Variants in P3H2 observed in about 807,000 individuals in gnomAD.
The protein encoded by P3H2 is prolyl 3-hydroxylase 2.
Under a neutral mutation model 87.0 loss-of-function variants are expected in P3H2, and 80 were observed. The ratio of observed to expected loss-of-function variants is 0.92; its 90% CI spans 0.77 to 1.11. P3H2 has a LOEUF of 1.11. P3H2 is among the 50% of genes least tolerant of loss of function. The pLI, the probability that P3H2 is intolerant of heterozygous loss-of-function variation, is 0.00. For synonymous variants in P3H2, 367 were observed against 359.3 expected, an observed-to-expected ratio of 1.02 and a Z score of -0.24; for missense variants, 1,001 against 923.9, an observed-to-expected ratio of 1.08 and a Z score of -1.08.
intron 14 of P3H2, among the ~76,000 whole-genome samples, chr3:189,959,546 G>C (rs993359543): frequency 7.0e-4 from 106 of 151,176 alleles, no homozygotes; most frequent in African/African-American, 2.5e-3. Flanking sequence ...CTCTTCTTTA[G>C]GTTTATTTTG....
chr3:190,112,639 C>T (rs1171042999), intron 1 of P3H2, among the ~76,000 whole-genome samples: 1 of 152,112 alleles, frequency 6.6e-6, no homozygotes, highest in African/African-American at 2.4e-5. Flanking sequence ...AGAGAAATAA[C>T]TAGAGGAAAC....
intron 1 of P3H2, 128 bp from the exon 2 acceptor site, chr3:189,995,570 T>TTTA (rs1553874171): frequency 7.0e-6 from 7 of 995,902 alleles, no homozygotes; most frequent in Non-Finnish European, 1.0e-5. Flanking sequence ...TTTTTTTTTT[T>TTTA]ATCAGACAGG....
At chr3:190,073,211 C>A (rs529546134) in intron 1 of P3H2, among the ~76,000 whole-genome samples, 6 of 152,158 alleles carry the variant, frequency 3.9e-5, no homozygotes, top group Admixed American at 6.5e-5. Flanking sequence ...ATGTGCTTTT[C>A]TGTGTGTCTG....
rs952558690 is a variant in P3H2, at chr3:189,970,671, A to G, written c.1893+145T>C. 9 of 638,130 alleles carry G rather than the reference A, an allele frequency of 1.4e-5. No individual in the cohort carries two copies. In the Admixed American group the frequency reaches 1.9e-4, roughly 13 times the overall value. The allele number at this position is 638,130 out of a possible 1,614,324, so 39.5% of individuals were successfully genotyped here. On this transcript the variant is annotated intron_variant, in intron 13 of 14. Transcript: ENST00000319332. ...TTATGGATACTTCTAACAGTTTATG[A>G]TCTATACATTTACTGAAACTCTCTT...
At chr3:190,075,582 A>G (rs1452042719) in intron 1 of P3H2, among the ~76,000 whole-genome samples, 2 of 152,214 alleles carry the variant, frequency 1.3e-5, no homozygotes, top group Non-Finnish European at 2.9e-5. Context: ...CTGAGAAGGG[A>G]AATCTTCCTG....
chr3:190,114,070 A>G (rs1384582228), intron 1 of P3H2, among the ~76,000 whole-genome samples: 3 of 94,500 alleles, frequency 3.2e-5, no homozygotes, highest in East Asian at 2.4e-4. Flanking sequence ...ACAGAGTGAG[A>G]CTCCGTCTCA....
At chr3:190,073,082 AGTTT>A (rs935680948) in intron 1 of P3H2, among the ~76,000 whole-genome samples, 5 of 152,244 alleles carry the variant, frequency 3.3e-5, no homozygotes, top group African/African-American at 1.2e-4. Context: ...TAGAAACAGT[AGTTT>A]GTGATCAATG....
chr3:190,089,575 T>C (rs375668311), intron 1 of P3H2, among the ~76,000 whole-genome samples: 108 of 152,294 alleles, frequency 7.1e-4, no homozygotes, highest in African/African-American at 2.5e-3. Context: ...CTGTCCTGAC[T>C]CTAGAGGGTG....
chr3:190,077,277 T>G (rs555480009), intron 1 of P3H2, among the ~76,000 whole-genome samples: 1 of 152,188 alleles, frequency 6.6e-6, no homozygotes, highest in African/African-American at 2.4e-5. Context: ...TCTGTAGCAA[T>G]TGGTTCTTTT....
At chr3:190,086,815 T>C (rs982206862) in intron 1 of P3H2, among the ~76,000 whole-genome samples, 33 of 152,192 alleles carry the variant, frequency 2.2e-4, no homozygotes, top group African/African-American at 7.9e-4. Context: ...GAAAGGGGCA[T>C]TGAGAAGAGA....
intron 1 of P3H2, among the ~76,000 whole-genome samples, chr3:190,119,938 T>C (rs770756174): frequency 9.9e-5 from 15 of 152,152 alleles, no homozygotes; most frequent in Non-Finnish European, 2.1e-4. Flanking sequence ...AGAAGATAAA[T>C]TGTACTAGAT....
chr3:190,083,467 A>G (rs1727116923), intron 1 of P3H2, among the ~76,000 whole-genome samples: 1 of 152,242 alleles, frequency 6.6e-6, no homozygotes. Context: ...ATTTGCATGT[A>G]TGAAAAGGAT....
At chr3:190,060,257 C>T (rs1406614747) in intron 1 of P3H2, among the ~76,000 whole-genome samples, 3 of 152,052 alleles carry the variant, frequency 2.0e-5, no homozygotes, top group Non-Finnish European at 4.4e-5. Flanking sequence ...ACAACATTTG[C>T]CACTATTAAC....
intron 1 of P3H2, among the ~76,000 whole-genome samples, chr3:190,069,653 C>G (rs1404843788): frequency 6.6e-6 from 1 of 152,214 alleles, no homozygotes; most frequent in Non-Finnish European, 1.5e-5. Context: ...AAAGAACCAA[C>G]AAACAAATAG....
Position 189,988,901 on chromosome 3 carries a change from C to A in P3H2, c.955+6G>T, listed in dbSNP as rs751133671. The stretch of plus-strand genomic sequence containing the variant: ...AAGAAGTCTTCACGGATGATCCACG[C>A]TTTACCTCGATAGTAGGCAAACTGT... On this transcript the variant is annotated splice_donor_region_variant and intron_variant, in intron 4 of 14. Transcript: ENST00000319332. 16 of 1,613,900 alleles carry A rather than the reference C, an allele frequency of 9.9e-6. No individual in the cohort carries two copies. Among genetic ancestry groups the A allele is most frequent in the Admixed American group, 1.7e-5 (1 of 59,998 alleles).
intron 13 of P3H2, among the ~76,000 whole-genome samples, chr3:189,966,184 A>AAAGAAAGG (rs1262789439): frequency 2.2e-5 from 3 of 136,638 alleles, no homozygotes; most frequent in African/African-American, 7.7e-5. Flanking sequence ...AGAAAGAAAG[A>AAAGAAAGG]AAGAAAGAAA....
intron 1 of P3H2, among the ~76,000 whole-genome samples, chr3:190,089,249 T>C (rs2108984581): frequency 6.6e-6 from 1 of 152,226 alleles, no homozygotes; most frequent in Admixed American, 6.5e-5. Flanking sequence ...GGGATAGCAT[T>C]AGGAGATACA....
At chr3:189,969,462 C>T (rs977562598) in intron 13 of P3H2, 4 of 896,262 alleles carry the variant, frequency 4.5e-6, no homozygotes, top group Non-Finnish European at 5.7e-6. Context: ...TGGCACACTC[C>T]TCTAGCACAA....
intron 13 of P3H2, chr3:189,969,396 C>G: frequency 1.3e-6 from 1 of 795,380 alleles, no homozygotes; most frequent in South Asian, 1.4e-5. Context: ...GTCCTAGCTT[C>G]TTAGCAGTCT....
Sources: allele counts gnomAD v4.1 joint callset (sites outside exome capture counted in the v4.1 genomes callset), GRCh38; gene constraint gnomAD v4.1.1; transcripts MANE v1.5; gene names NCBI Gene and HGNC (gene_info 2026-07-23, HGNC 2026-07-21).